The following TRPM1 variants were observed in gnomAD, a reference collection of about 807,000 sequenced individuals.
TRPM1 encodes TRPM1-203 APA Isoform, Intron 10.
In TRPM1, 113 loss-of-function variants were observed where a neutral mutation model predicts 149.4. The ratio of observed to expected loss-of-function variants is 0.76; its 90% CI spans 0.65 to 0.88. TRPM1 has a LOEUF of 0.88. Ranked by LOEUF, TRPM1 falls within the 40% of genes least tolerant of loss-of-function variation. The pLI, the probability that TRPM1 is intolerant of heterozygous loss-of-function variation, is 0.00. For synonymous variants in TRPM1, 741 were observed against 759.5 expected (o/e 0.98, Z 0.40); for missense variants, 1,976 against 2,038.7 (o/e 0.97, Z 0.59).
intron 1 of TRPM1, among the ~76,000 whole-genome samples, chr15:31,098,895 G>A (rs1179936952): frequency 6.6e-6 from 1 of 152,122 alleles, no homozygotes; most frequent in Admixed American, 6.5e-5. Flanking sequence ...GGTGCACAGC[G>A]ACAAGGTCTC....
chr15:31,118,791 G>A (rs2035836901), intron 1 of TRPM1, among the ~76,000 whole-genome samples: 1 of 151,918 alleles, frequency 6.6e-6, no homozygotes, highest in Non-Finnish European at 1.5e-5. Flanking sequence ...TTCTGATAAG[G>A]GCATGAATCC....
At chr15:31,117,441 G>A (rs762255499) in intron 1 of TRPM1, among the ~76,000 whole-genome samples, 3 of 151,722 alleles carry the variant, frequency 2.0e-5, no homozygotes, top group Admixed American at 6.6e-5. Flanking sequence ...ACCCGAGATC[G>A]TGCCACTGCA....
At chr15:31,068,450 G>C (rs1457304214) in intron 4 of TRPM1, among the ~76,000 whole-genome samples, 1 of 152,046 alleles carries the variant, frequency 6.6e-6, no homozygotes, top group Non-Finnish European at 1.5e-5. Flanking sequence ...CCTTATAAAA[G>C]AGGACTCAGG....
chr15:31,011,728 G>A (rs1003131676), intron 27 of TRPM1, among the ~76,000 whole-genome samples: 2 of 149,002 alleles, frequency 1.3e-5, no homozygotes, highest in African/African-American at 5.0e-5. Context: ...GCAGTGGCAA[G>A]ATCTCAGCTC....
chr15:31,127,854 A>T (rs2035970799), intron 1 of TRPM1, among the ~76,000 whole-genome samples: 1 of 152,178 alleles, frequency 6.6e-6, no homozygotes, highest in Non-Finnish European at 1.5e-5. Flanking sequence ...CAAGGACGCG[A>T]ACCAGTGGGG....
Position 31,042,097 on chromosome 15 carries a change from C to T in TRPM1, c.1941G>A (p.Gln647=). 2.5e-6 allele frequency: 4 copies of T among 1,614,238 alleles called. No homozygotes were observed. The highest frequency in any genetic ancestry group is 3.4e-6 in the Non-Finnish European group (4 of 1,180,034). ...LMVWAVLMKR[Q]KMAVFLWQRG... ...GCTGCCAGAGGAACACTGCCATTTT[C>T]TGGCGTTTCATCAGCACTGCCCACA... Residue 647 remains glutamine, a synonymous_variant, in exon 17 of 28, where the codon CAG becomes CAA. Coordinates refer to ENST00000256552, the MANE Select transcript of TRPM1 (RefSeq NM_001252024.2).
intron 2 of TRPM1, among the ~76,000 whole-genome samples, chr15:31,078,848 G>A (rs1208323022): frequency 2.0e-5 from 3 of 152,202 alleles, no homozygotes; most frequent in Non-Finnish European, 4.4e-5. Context: ...TGGACTATAT[G>A]ACAACTAAAG....
chr15:31,045,464 G>C (rs2033737088), intron 16 of TRPM1, among the ~76,000 whole-genome samples: 1 of 152,060 alleles, frequency 6.6e-6, no homozygotes, highest in African/African-American at 2.4e-5. Context: ...CCCTTTCTTG[G>C]GTATTCTTTT....
intron 7 of TRPM1, 28 bp from the exon 8 acceptor site, chr15:31,063,320 C>T: frequency 6.2e-7 from 1 of 1,614,070 alleles, no homozygotes; most frequent in Non-Finnish European, 8.5e-7. Flanking sequence ...TTCGCCCATA[C>T]CACCTGTGCC....
rs2035862574 is a variant in TRPM1 at position 31,120,700 on chromosome 15, C to T, written c.54+40206G>A. Among the ~76,000 whole-genome samples, 3 of 149,272 alleles carry T rather than the reference C, an allele frequency of 2.0e-5. No individual in the cohort carries two copies. The Admixed American group carries it at 2.0e-4, about 10-fold the overall frequency. On this transcript the variant is annotated intron_variant, in intron 1 of 26. Transcript: ENST00000542188. ...AAGAATAAAAATCACGTGAAGTATG[C>T]TCTCAGACCACAATGGAATTAGACC...
At position 31,025,998 on chromosome 15, in the gene TRPM1, C is replaced by G. The variant is rs1183432435; in HGVS notation, c.3629+141G>C. 3 of 1,229,882 alleles carry G rather than the reference C, an allele frequency of 2.4e-6. No homozygotes were observed. In the African/African-American group the frequency reaches 4.5e-5, roughly 18 times the overall value. The allele number at this position is 1,229,882 out of a possible 1,614,324, so 76.2% of individuals were successfully genotyped here. On this transcript the variant is annotated intron_variant, in intron 27 of 27. Transcript: ENST00000256552. ...TAACTTTCTCACTATTTCGTGGGAA[C>G]CACGTTAAAACCTAAAGTTTAAATA...
At chr15:31,065,656 A>G (rs1344153505) in intron 7 of TRPM1, among the ~76,000 whole-genome samples, 1 of 152,228 alleles carries the variant, frequency 6.6e-6, no homozygotes, top group Non-Finnish European at 1.5e-5. Context: ...ATCTTAGTCT[A>G]CATGAAAGGC....
chr15:31,027,749 A>G (rs921389075), intron 25 of TRPM1, among the ~76,000 whole-genome samples: 2 of 152,222 alleles, frequency 1.3e-5, no homozygotes, highest in African/African-American at 4.8e-5. Flanking sequence ...ATTTCTGTGA[A>G]GGATTTTTCC....
intron 1 of TRPM1, among the ~76,000 whole-genome samples, chr15:31,139,983 A>C (rs1321047023): frequency 5.9e-5 from 9 of 152,234 alleles, no homozygotes; most frequent in Admixed American, 5.9e-4. Context: ...CTAAGTTAAA[A>C]CACTGAAACA....
chr15:31,095,187 A>G (rs544434876), intron 1 of TRPM1, among the ~76,000 whole-genome samples: 3 of 152,348 alleles, frequency 2.0e-5, no homozygotes, highest in Admixed American at 2.0e-4. Flanking sequence ...ACAAAGCACA[A>G]ACTAGTGGTT....
Position 31,081,443 on chromosome 15 carries a change from G to C in TRPM1, c.-83-5C>G, listed in dbSNP as rs936725508. The C allele has an allele frequency of 4.6e-6, 7 of 1,527,910 alleles. No homozygotes were observed. The highest frequency in any genetic ancestry group is 2.4e-5 in the East Asian group (1 of 40,876). 94.6% of individuals were successfully genotyped at this position (1,527,910 alleles called of 1,614,324 possible). A position where few individuals can be genotyped will look rare whatever the true frequency, so the allele number is the denominator to read the frequency against. Reference sequence around the variant, plus strand: ...TCCTCAGAAATCTTCTAGAACCTACGAGGATAAACAAGAGGAGTAAGAGTC... The same window carrying C: ...TCCTCAGAAATCTTCTAGAACCTACCAGGATAAACAAGAGGAGTAAGAGTC... On this transcript the variant is annotated splice_region_variant and splice_polypyrimidine_tract_variant and intron_variant, in intron 1 of 27. Coordinates refer to ENST00000256552, the MANE Select transcript of TRPM1 (RefSeq NM_001252024.2).
At chr15:31,011,462 C>A (rs1219758884) in intron 27 of TRPM1, among the ~76,000 whole-genome samples, 1 of 151,892 alleles carries the variant, frequency 6.6e-6, no homozygotes, top group Non-Finnish European at 1.5e-5. Flanking sequence ...TGCTATGTTT[C>A]CTAGGCTGGC....
chr15:31,006,532 T>G (rs1488958023), intron 27 of TRPM1, among the ~76,000 whole-genome samples: 1 of 152,248 alleles, frequency 6.6e-6, no homozygotes, highest in South Asian at 2.1e-4. Context: ...ACATTTGGGT[T>G]GTTTCCATTA....
chr15:31,046,989 G>C, intron 15 of TRPM1, 122 bp downstream of exon 15: 1 of 1,375,624 alleles, frequency 7.3e-7, no homozygotes, highest in South Asian at 1.2e-5. Flanking sequence ...TAGGAGGCAG[G>C]ACAGCTGTGC....
Sources: gnomAD v4.1 joint callset for allele counts (sites outside exome capture counted in the v4.1 genomes callset) on GRCh38, gnomAD v4.1.1 for gene constraint, MANE v1.5 for transcripts, NCBI Gene and HGNC (gene_info 2026-07-23, HGNC 2026-07-21) for gene names.